OPHN1: variants seen among roughly 807,000 people sequenced by gnomAD.
OPHN1 encodes oligophrenin 1, also known as oligophrenin-1.
Under a neutral mutation model 60.7 loss-of-function variants are expected in OPHN1, and 11 were observed. The observed-to-expected ratio is 0.18, with a 90% CI of 0.11 to 0.30. OPHN1 has a LOEUF of 0.30. OPHN1 is among the 10% of genes least tolerant of loss of function. The pLI is 1.00. For missense variants in OPHN1, 449 were observed against 611.0 expected (o/e 0.73, Z 2.80); for synonymous variants, 226 against 222.6 (o/e 1.02, Z -0.14).
At chrX:68,088,543 A>G (rs1346382493) in intron 19 of OPHN1, among the ~76,000 whole-genome samples, 1 of 111,469 alleles carries the variant, frequency 9.0e-6, no homozygotes, top group East Asian at 2.8e-4. Flanking sequence ...CTACTAAGAA[A>G]AGCCTCTTTT....
At chrX:68,400,769 T>C (rs987444891) in intron 2 of OPHN1, among the ~76,000 whole-genome samples, 3 of 108,842 alleles carry the variant, frequency 2.8e-5, no homozygotes, top group African/African-American at 1.0e-4. Context: ...GCCTGGCTGA[T>C]TTTTCTATTT....
At chrX:68,430,792 C>A in intron 2 of OPHN1, among the ~76,000 whole-genome samples, 1 of 110,367 alleles carries the variant, frequency 9.1e-6, no homozygotes, top group African/African-American at 3.3e-5. Context: ...CCACTGCACT[C>A]CAGCCTGGGC....
intron 19 of OPHN1, among the ~76,000 whole-genome samples, chrX:68,088,142 C>T (rs1355950611): frequency 9.0e-6 from 1 of 111,145 alleles, no homozygotes; most frequent in Non-Finnish European, 1.9e-5. Context: ...TGCCCAAGGC[C>T]CCAAAGCTAG....
rs775006780 is a variant in OPHN1 at position 68,380,194 on chromosome X, T to C, written c.154+52673A>G. Among the ~76,000 whole-genome samples the C allele has an allele frequency of 5.1e-3, 573 of 111,889 alleles. 6 individuals carry two copies. The highest frequency in any genetic ancestry group is 0.018 in the African/African-American group (546 of 30,819). On this transcript the variant is annotated intron_variant, in intron 2 of 24. Transcript: ENST00000355520. Reference sequence around the variant, plus strand: ...TGTCGAGGAATTTACCCATGTCTTCTAGATTTTCTAGTTTATTTGCATAGA... The same window carrying C: ...TGTCGAGGAATTTACCCATGTCTTCCAGATTTTCTAGTTTATTTGCATAGA...
At chrX:68,161,801 A>G (rs2077335744) in intron 15 of OPHN1, among the ~76,000 whole-genome samples, 1 of 111,571 alleles carries the variant, frequency 9.0e-6, no homozygotes. Flanking sequence ...TCAAAACACC[A>G]AAAACCTGAA....
At chrX:68,301,966 A>C (rs1231927552) in intron 2 of OPHN1, among the ~76,000 whole-genome samples, 1 of 112,643 alleles carries the variant, frequency 8.9e-6, no homozygotes, top group African/African-American at 3.2e-5. Context: ...CGAGAGTTTC[A>C]TGAAAATAGA....
Position 68,431,583 on chromosome X carries a change from A to ATTT in OPHN1, c.154+1281_154+1283dup, listed in dbSNP as rs367572189. Among the ~76,000 whole-genome samples, 460 of 93,482 alleles carry ATTT rather than the reference A, an allele frequency of 4.9e-3. 2 individuals carry two copies. The highest frequency in any genetic ancestry group is 0.011 in the African/African-American group (290 of 26,067). 81.2% of individuals were successfully genotyped at this position (93,482 alleles called of 115,157 possible). A position where few individuals can be genotyped will look rare whatever the true frequency, so the allele number is the denominator to read the frequency against. ...AGGTGCCTGCCACCATGCCCAGCTA[A>ATTT]TTTTTTTTTTTTTTTTGTATTTTTA... On this transcript the variant is annotated intron_variant, in intron 2 of 24. Coordinates refer to ENST00000355520, the MANE Select transcript of OPHN1 (RefSeq NM_002547.3).
At chrX:68,221,607 C>T (rs1270705829) in intron 6 of OPHN1, among the ~76,000 whole-genome samples, 3 of 89,758 alleles carry the variant, frequency 3.3e-5, no homozygotes, top group Non-Finnish European at 6.7e-5. Flanking sequence ...CAGAACAGAG[C>T]CCTCAGAAAT....
chrX:68,381,574 C>T (rs1446351832), intron 2 of OPHN1, among the ~76,000 whole-genome samples: 1 of 111,602 alleles, frequency 9.0e-6, no homozygotes, highest in Non-Finnish European at 1.9e-5. Context: ...CACTCCTATC[C>T]ATTTGATTTT....
In OPHN1 at chrX:68,127,699, G is replaced by C. The variant is rs368598959; in HGVS notation, c.1277-8367C>G. Reference sequence around the variant, plus strand: ...ACTAGAAGCTTATGATCAGAAGCCAGAAAAGGATGTCTGCTATCACTAGTA... The same window carrying C: ...ACTAGAAGCTTATGATCAGAAGCCACAAAAGGATGTCTGCTATCACTAGTA... On this transcript the variant is annotated intron_variant, in intron 15 of 24. Transcript: ENST00000355520. 3.6e-5 allele frequency among the ~76,000 whole-genome samples: 4 copies of C among 112,268 alleles called. No individual in the cohort carries two copies. In the East Asian group the frequency reaches 8.4e-4, roughly 24 times the overall value.
At chrX:68,285,524 T>A (rs2078037436) in intron 3 of OPHN1, among the ~76,000 whole-genome samples, 2 of 111,563 alleles carry the variant, frequency 1.8e-5, no homozygotes, top group South Asian at 3.8e-4. Context: ...TATCTCTAAA[T>A]TTAACTTCTT....
chrX:68,201,747 A>C (rs2077536432), intron 10 of OPHN1, 37 bp from the exon 11 acceptor site: 1 of 1,103,991 alleles, frequency 9.1e-7, no homozygotes, highest in African/African-American at 1.8e-5. Context: ...AATTTTTAAA[A>C]AAAGACACAG....
At chrX:68,154,861 C>CCACACA (rs60627495) in intron 15 of OPHN1, among the ~76,000 whole-genome samples, 10,812 of 94,174 alleles carry the variant, frequency 0.11, 658 homozygotes, top group East Asian at 0.39. Context: ...ATAGTACACA[C>CCACACA]CACACACACA....
intron 2 of OPHN1, among the ~76,000 whole-genome samples, chrX:68,321,441 A>C (rs1423350246): frequency 1.8e-5 from 2 of 112,166 alleles, no homozygotes; most frequent in African/African-American, 6.5e-5. Flanking sequence ...GCACATTACT[A>C]GAATCCCATT....
chrX:68,195,061 A>T (rs2077507119), intron 12 of OPHN1, among the ~76,000 whole-genome samples: 1 of 98,875 alleles, frequency 1.0e-5, no homozygotes, highest in African/African-American at 4.8e-5. Context: ...GAAGGAAGGA[A>T]GGAAGAAAGA....
chrX:68,351,873 C>CTTTTT (rs58051308), intron 2 of OPHN1, among the ~76,000 whole-genome samples: 1 of 29,552 alleles, frequency 3.4e-5, no homozygotes, highest in Non-Finnish European at 6.0e-5. Flanking sequence ...ATTTTTTTTT[C>CTTTTT]TTTTTTTTTT....
chrX:68,076,422 A>C (rs1171275233), intron 19 of OPHN1, among the ~76,000 whole-genome samples: 2 of 109,974 alleles, frequency 1.8e-5, no homozygotes, highest in Non-Finnish European at 1.9e-5. Context: ...CACCCAATGA[A>C]ATAGATCATC....
intron 17 of OPHN1, 64 bp from the exon 18 acceptor site, chrX:68,112,023 T>C: frequency 1.6e-6 from 1 of 637,689 alleles, no homozygotes; most frequent in Non-Finnish European, 2.6e-6. Context: ...AGCAAAATTC[T>C]CACATATATA....
chrX:68,261,282 C>G (rs1022289041), intron 5 of OPHN1, among the ~76,000 whole-genome samples: 3 of 111,723 alleles, frequency 2.7e-5, no homozygotes, highest in African/African-American at 9.7e-5. Context: ...GTGGGCAACT[C>G]TGACAAGACC....
Sources: allele counts gnomAD v4.1 joint callset (sites outside exome capture counted in the v4.1 genomes callset), GRCh38; gene constraint gnomAD v4.1.1; transcripts MANE v1.5; gene names NCBI Gene and HGNC (gene_info 2026-07-23, HGNC 2026-07-21).